OR2L3: variants seen among roughly 807,000 people sequenced by gnomAD.
The protein encoded by OR2L3 is olfactory receptor family 2 subfamily L member 3.
For synonymous variants in OR2L3, 131 were observed against 139.1 expected, an observed-to-expected ratio of 0.94 and a Z score of 0.41; for missense variants, 369 against 376.6, an observed-to-expected ratio of 0.98 and a Z score of 0.17.
intron 1 of OR2L3, among the ~76,000 whole-genome samples, chr1:248,059,309 G>A (rs1039932540): frequency 6.6e-6 from 1 of 152,062 alleles, no homozygotes. Context: ...TCTTCTATCT[G>A]GAGTAGAGTT....
chr1:248,055,603 A>G (rs899574374), intron 1 of OR2L3, among the ~76,000 whole-genome samples: 3 of 152,122 alleles, frequency 2.0e-5, no homozygotes, highest in African/African-American at 7.2e-5. Context: ...TAAAAATACA[A>G]AAAATTAGCC....
In OR2L3 at chr1:248,061,093, A is replaced by C; in HGVS notation, c.412A>C (p.Arg138=). ...PLHYPIRMSK[R]MCVLMITGSW... ...TCACTATCCCATCCGCATGAGCAAAAGAATGTGTGTGCTGATGATAACAGG... is the reference window on the plus strand; with the variant it reads ...TCACTATCCCATCCGCATGAGCAAACGAATGTGTGTGCTGATGATAACAGG... Residue 138 remains arginine (R), a synonymous_variant, in exon 2 of 2, where the codon AGA becomes CGA. Transcript: ENST00000359959. The C allele has an allele frequency of 6.2e-7, 1 of 1,613,982 alleles. No homozygotes were observed. The highest frequency in any genetic ancestry group is 2.2e-5 in the East Asian group (1 of 44,862).
In OR2L3 at chr1:248,061,726, C is replaced by T. The variant is rs559833168; in HGVS notation, c.*106C>T. 9.4e-7 allele frequency: 1 copy of T among 1,059,558 alleles called. No individual in the cohort carries two copies. The highest frequency in any genetic ancestry group is 1.3e-6 in the Non-Finnish European group (1 of 764,902). The allele number at this position is 1,059,558 out of a possible 1,614,324, so 65.6% of individuals were successfully genotyped here. ...CTAGAGTTCAGGAGCTAAAAGTAAT[C>T]AAGGTAAGAGAAAAAAATCACTGAT... On this transcript the variant is annotated 3_prime_UTR_variant, in exon 2 of 2. Coordinates refer to ENST00000359959, the MANE Select transcript of OR2L3 (RefSeq NM_001004687.2).
chr1:248,058,832 CT>C (rs141033880), intron 1 of OR2L3, among the ~76,000 whole-genome samples: 5 of 151,940 alleles, frequency 3.3e-5, no homozygotes, highest in East Asian at 1.9e-4. Flanking sequence ...GATTTCCCTA[CT>C]TTTTTTATCT....
Position 248,061,716 on chromosome 1 carries a change from T to A in OR2L3, c.*96T>A, listed in dbSNP as rs1663652311. On this transcript the variant is annotated 3_prime_UTR_variant, in exon 2 of 2. Coordinates refer to ENST00000359959, the MANE Select transcript of OR2L3 (RefSeq NM_001004687.2). ...TATTTCAATCCTAGAGTTCAGGAGCTAAAAGTAATCAAGGTAAGAGAAAAA... is the reference window on the plus strand; with the variant it reads ...TATTTCAATCCTAGAGTTCAGGAGCAAAAAGTAATCAAGGTAAGAGAAAAA... 1.7e-6 allele frequency: 2 copies of A among 1,152,344 alleles called. No individual in the cohort carries two copies. Among genetic ancestry groups the A allele is most frequent in the Admixed American group, 5.8e-5 (2 of 34,634 alleles). The allele number at this position is 1,152,344 out of a possible 1,614,324, so 71.4% of individuals were successfully genotyped here. A position where few individuals can be genotyped will look rare whatever the true frequency, so the allele number is the denominator to read the frequency against.
At chr1:248,056,680 T>C (rs577210399) in intron 1 of OR2L3, among the ~76,000 whole-genome samples, 3 of 150,956 alleles carry the variant, frequency 2.0e-5, no homozygotes, top group African/African-American at 7.3e-5. Flanking sequence ...GGCTTTTTTT[T>C]TTTTTTTAGA....
rs757572104 is a variant in OR2L3, at chr1:248,061,624, C to T, written c.*4C>T. On this transcript the variant is annotated 3_prime_UTR_variant, in exon 2 of 2. Coordinates refer to ENST00000359959, the MANE Select transcript of OR2L3 (RefSeq NM_001004687.2). ...AATCTGCTCTGGGAAAATGTAGAAACATTTTCTACCTAAGGTCTCAGGACT... is the reference window on the plus strand; with the variant it reads ...AATCTGCTCTGGGAAAATGTAGAAATATTTTCTACCTAAGGTCTCAGGACT... 2 of 1,607,984 alleles carry T rather than the reference C, an allele frequency of 1.2e-6. No homozygotes were observed. Among genetic ancestry groups the T allele is most frequent in the Admixed American group, 1.7e-5 (1 of 59,454 alleles).
At position 248,060,864 on chromosome 1, in the gene OR2L3, A is replaced by G. The variant is rs1309764253; in HGVS notation, c.183A>G (p.Leu61=). Residue 61 remains leucine, a synonymous_variant, in exon 2 of 2, where the codon CTA becomes CTG. Transcript: ENST00000359959. ...ATCTCCACACACCCATGTATTTCCTACTTAGTCAGCTCTCCCTCATTGACC... is the reference window on the plus strand; with the variant it reads ...ATCTCCACACACCCATGTATTTCCTGCTTAGTCAGCTCTCCCTCATTGACC... ...DTHLHTPMYF[L]LSQLSLIDLN... is the part of the protein sequence containing the mutation. 5.6e-6 allele frequency: 9 copies of G among 1,613,732 alleles called. No homozygotes were observed. Among genetic ancestry groups the G allele is most frequent in the Non-Finnish European group, 5.9e-6 (7 of 1,179,830 alleles).
At chr1:248,047,617 T>C (rs977083706) in intron 1 of OR2L3, among the ~76,000 whole-genome samples, 11 of 152,200 alleles carry the variant, frequency 7.2e-5, no homozygotes, top group Non-Finnish European at 8.8e-5. Context: ...ACTTTTACAA[T>C]GTATTTATTT....
Position 248,061,881 on chromosome 1 carries a change from T to A in OR2L3, c.*261T>A. ...ATATGTTGTCAATGAGAATTTTTGT[T>A]TTTGGTCATGCAGAAATAGAAATGA... On this transcript the variant is annotated 3_prime_UTR_variant, in exon 2 of 2. Transcript: ENST00000359959. 3.3e-6 allele frequency: 1 copy of A among 306,390 alleles called. No individual in the cohort carries two copies. The highest frequency in any genetic ancestry group is 6.0e-6 in the Non-Finnish European group (1 of 167,296). The allele number at this position is 306,390 out of a possible 1,614,324, so 19.0% of individuals were successfully genotyped here. A position where few individuals can be genotyped will look rare whatever the true frequency, so the allele number is the denominator to read the frequency against.
At chr1:248,057,449 G>A (rs1663469249) in intron 1 of OR2L3, among the ~76,000 whole-genome samples, 1 of 152,104 alleles carries the variant, frequency 6.6e-6, no homozygotes, top group Non-Finnish European at 1.5e-5. Flanking sequence ...CAGAAACTAG[G>A]ATTGCTACCA....
At chr1:248,049,492 A>T (rs1009247907) in intron 1 of OR2L3, among the ~76,000 whole-genome samples, 21 of 152,184 alleles carry the variant, frequency 1.4e-4, no homozygotes, top group African/African-American at 4.6e-4. Flanking sequence ...TTCTTCCAGT[A>T]GGGAATCTTT....
chr1:248,053,107 A>G (rs1250299113), intron 1 of OR2L3, among the ~76,000 whole-genome samples: 1 of 151,522 alleles, frequency 6.6e-6, no homozygotes, highest in East Asian at 1.9e-4. Flanking sequence ...TCTCCCCTCC[A>G]CCGCCCTCCC....
rs1392125650 is a variant in OR2L3, at chr1:248,062,028, A to G, written c.*408A>G. 1.8e-5 allele frequency: 3 copies of G among 162,966 alleles called. No individual in the cohort carries two copies. In the East Asian group the frequency reaches 5.4e-4, roughly 29 times the overall value. The allele number at this position is 162,966 out of a possible 1,614,324, so 10.1% of individuals were successfully genotyped here. On this transcript the variant is annotated 3_prime_UTR_variant, in exon 2 of 2. Transcript: ENST00000359959. Reference sequence around the variant, plus strand: ...AACAAAACAAAAAATAAGTCTCTTGACTTGGTGTATCTAGTTGAAAGCTGT... The same window carrying G: ...AACAAAACAAAAAATAAGTCTCTTGGCTTGGTGTATCTAGTTGAAAGCTGT...
In OR2L3 at chr1:248,060,762, C is replaced by T. The variant is rs1263475318; in HGVS notation, c.81C>T (p.Phe27=). 3.1e-6 allele frequency: 5 copies of T among 1,614,110 alleles called. No homozygotes were observed. The highest frequency in any genetic ancestry group is 3.4e-6 in the Non-Finnish European group (4 of 1,179,980). The change falls in exon 2 of 2, where the codon TTC becomes TTT. Residue 27 remains phenylalanine, a synonymous_variant. Coordinates refer to ENST00000359959, the MANE Select transcript of OR2L3 (RefSeq NM_001004687.2). ...FPPSRIGLFL[F]ILIVFIFLMA... ...CATCAAGAATTGGCCTTTTCCTCTT[C>T]ATCCTCATTGTTTTCATTTTCCTAA...
rs1663698668 is a variant in OR2L3, at chr1:248,063,181, T to C, written c.*1561T>C. ...ACATTGCATTGAATCTGTAGTTTGG[T>C]TATTTAAATAATATTAATTCTTCCA... On this transcript the variant is annotated 3_prime_UTR_variant, in exon 2 of 2. Coordinates refer to ENST00000359959, the MANE Select transcript of OR2L3 (RefSeq NM_001004687.2). 3 of 152,238 alleles carry C rather than the reference T, an allele frequency of 2.0e-5. No individual in the cohort carries two copies. The highest frequency in any genetic ancestry group is 2.0e-4 in the Admixed American group (3 of 15,284). 9.4% of individuals were successfully genotyped at this position (152,238 alleles called of 1,614,324 possible). A position where few individuals can be genotyped will look rare whatever the true frequency, so the allele number is the denominator to read the frequency against.
chr1:248,048,663 A>C (rs1478171542), intron 1 of OR2L3, among the ~76,000 whole-genome samples: 4 of 152,162 alleles, frequency 2.6e-5, no homozygotes, highest in South Asian at 2.1e-4. Flanking sequence ...TGAAACTGAC[A>C]CTGTCACCTG....
chr1:248,052,672 A>G (rs1663302016), intron 1 of OR2L3, among the ~76,000 whole-genome samples: 1 of 152,142 alleles, frequency 6.6e-6, no homozygotes, highest in Non-Finnish European at 1.5e-5. Context: ...TGGAGCTTGT[A>G]GTCACCTGAG....
chr1:248,061,017 A>G lies in OR2L3; in HGVS notation c.336A>G (p.Leu112=). 1.9e-6 allele frequency: 3 copies of G among 1,614,068 alleles called. No individual in the cohort carries two copies. The highest frequency in any genetic ancestry group is 2.5e-6 in the Non-Finnish European group (3 of 1,179,996). ...CGGCATTAGGAGGTGCAGAAGCACT[A>G]CTTTTGGCATCTATGGCCTATGATC... ...FFSALGGAEA[L]LLASMAYDRY... is the part of the protein sequence containing the mutation. The change falls in exon 2 of 2, where the codon CTA becomes CTG. Residue 112 remains leucine (L), a synonymous_variant. Transcript: ENST00000359959.
Sources: allele counts gnomAD v4.1 joint callset (sites outside exome capture counted in the v4.1 genomes callset), GRCh38; gene constraint gnomAD v4.1.1; transcripts MANE v1.5; gene names NCBI Gene and HGNC (gene_info 2026-07-23, HGNC 2026-07-21).